Variants in CLDN10 observed in about 807,000 individuals in gnomAD.
CLDN10 encodes the protein claudin-10.
In CLDN10, 15 loss-of-function variants were observed where a neutral mutation model predicts 22.9. The observed-to-expected ratio is 0.65, with a 90% CI of 0.44 to 1.01. The LOEUF is 1.01. Among genes scored for constraint, CLDN10 ranks in the 50% least tolerant of loss-of-function variants. CLDN10 has a pLI of 0.00. For synonymous variants in CLDN10, 114 were observed against 111.4 expected (o/e 1.02, Z -0.15); for missense variants, 247 against 287.8 (o/e 0.86, Z 1.03).
intron 1 of CLDN10, among the ~76,000 whole-genome samples, chr13:95,475,778 G>T (rs1475804823): frequency 1.4e-5 from 2 of 141,960 alleles, no homozygotes; most frequent in East Asian, 2.0e-4. Context: ...TGGGTCGAGG[G>T]TCCCTGCATC....
At chr13:95,493,122 T>C (rs1426438618) in intron 1 of CLDN10, among the ~76,000 whole-genome samples, 1 of 152,006 alleles carries the variant, frequency 6.6e-6, no homozygotes, top group African/African-American at 2.4e-5. Context: ...TGGAGGGTTA[T>C]TCTCCAGCTG....
chr13:95,497,926 T>G (rs2138531304), intron 1 of CLDN10, among the ~76,000 whole-genome samples: 1 of 152,262 alleles, frequency 6.6e-6, no homozygotes. Context: ...TTTAGGACAT[T>G]GAGAAGGTAA....
At chr13:95,462,612 G>A (rs1054415809) in intron 1 of CLDN10, among the ~76,000 whole-genome samples, 2 of 152,158 alleles carry the variant, frequency 1.3e-5, no homozygotes, top group African/African-American at 2.4e-5. Context: ...AAGGAGTCAG[G>A]GCCTGGGGAC....
At chr13:95,570,765 A>G (rs2043842880) in intron 3 of CLDN10, among the ~76,000 whole-genome samples, 1 of 151,234 alleles carries the variant, frequency 6.6e-6, no homozygotes, top group African/African-American at 2.4e-5. Context: ...TGGCCCAAAG[A>G]TATGAAATTT....
intron 1 of CLDN10, among the ~76,000 whole-genome samples, chr13:95,513,075 C>T (rs547363579): frequency 5.3e-5 from 8 of 152,192 alleles, no homozygotes; most frequent in Non-Finnish European, 2.9e-5. Flanking sequence ...CAGAGTCTTA[C>T]TATATTGCTG....
At chr13:95,526,320 C>A (rs900240662) in intron 1 of CLDN10, among the ~76,000 whole-genome samples, 8 of 152,096 alleles carry the variant, frequency 5.3e-5, no homozygotes, top group African/African-American at 1.9e-4. Flanking sequence ...CAACTGTCTG[C>A]CAGTCAGTTC....
chr13:95,484,143 A>C (rs892776962), intron 1 of CLDN10, among the ~76,000 whole-genome samples: 4 of 152,206 alleles, frequency 2.6e-5, no homozygotes, highest in Admixed American at 1.3e-4. Context: ...CTCTGGTAGG[A>C]TAGCAGCCCA....
chr13:95,438,976 A>G (rs1480750850), intron 1 of CLDN10, among the ~76,000 whole-genome samples: 1 of 40,708 alleles, frequency 2.5e-5, no homozygotes, highest in East Asian at 5.1e-4. Context: ...ACTCCATCGC[A>G]AAAAAAAAAA....
At chr13:95,507,901 G>A (rs1293695067) in intron 1 of CLDN10, among the ~76,000 whole-genome samples, 1 of 152,074 alleles carries the variant, frequency 6.6e-6, no homozygotes, top group Non-Finnish European at 1.5e-5. Flanking sequence ...GGGATTACAG[G>A]TGTGAGCCAC....
intron 3 of CLDN10, among the ~76,000 whole-genome samples, chr13:95,568,981 C>T (rs1452042816): frequency 6.6e-6 from 1 of 152,072 alleles, no homozygotes; most frequent in Non-Finnish European, 1.5e-5. Context: ...TGCCCAGTGC[C>T]CTTCATCCGT....
At chr13:95,448,742 T>G (rs2042404951) in intron 1 of CLDN10, among the ~76,000 whole-genome samples, 1 of 151,580 alleles carries the variant, frequency 6.6e-6, no homozygotes, top group Admixed American at 6.6e-5. Flanking sequence ...TTTTATTTTA[T>G]TTTATTTTAT....
At chr13:95,459,523 G>A (rs2042514323) in intron 1 of CLDN10, among the ~76,000 whole-genome samples, 1 of 152,238 alleles carries the variant, frequency 6.6e-6, no homozygotes. Flanking sequence ...CAAGGCTTGG[G>A]ACTTGCACCC....
chr13:95,538,149 A>ATTTT (rs2043420171), intron 1 of CLDN10, among the ~76,000 whole-genome samples: 1 of 60,648 alleles, frequency 1.6e-5, no homozygotes, highest in Non-Finnish European at 3.2e-5. Context: ...CAAACTGTTT[A>ATTTT]TTTCTTTTTT....
intron 3 of CLDN10, among the ~76,000 whole-genome samples, chr13:95,570,229 T>C (rs1400878866): frequency 6.6e-6 from 1 of 152,174 alleles, no homozygotes; most frequent in African/African-American, 2.4e-5. Context: ...GACTTCAAAG[T>C]CTGCATGTAA....
At chr13:95,458,987 C>T (rs1027006924) in intron 1 of CLDN10, among the ~76,000 whole-genome samples, 4 of 152,052 alleles carry the variant, frequency 2.6e-5, no homozygotes, top group Non-Finnish European at 5.9e-5. Context: ...AGAAATTGGC[C>T]AAAACAAAGG....
intron 1 of CLDN10, among the ~76,000 whole-genome samples, chr13:95,436,729 A>G (rs2042276220): frequency 6.6e-6 from 1 of 152,226 alleles, no homozygotes; most frequent in Non-Finnish European, 1.5e-5. Context: ...TCATATTTCC[A>G]AAGAAAACGG....
chr13:95,434,595 C>G (rs2042248093), intron 1 of CLDN10, among the ~76,000 whole-genome samples: 1 of 142,936 alleles, frequency 7.0e-6, no homozygotes, highest in Non-Finnish European at 1.5e-5. Context: ...ATATAACCCA[C>G]ACAGGTATCT....
At chr13:95,501,205 G>A (rs2042980984) in intron 1 of CLDN10, among the ~76,000 whole-genome samples, 1 of 151,972 alleles carries the variant, frequency 6.6e-6, no homozygotes, top group Non-Finnish European at 1.5e-5. Context: ...GTAGAGACAG[G>A]GATTCACCAT....
intron 1 of CLDN10, among the ~76,000 whole-genome samples, chr13:95,536,797 T>C (rs1156503318): frequency 4.9e-5 from 1 of 20,330 alleles, no homozygotes; most frequent in African/African-American, 9.9e-5. Context: ...ACTGCATGCC[T>C]TTTTAAAAAA....
Sources: gnomAD v4.1 joint callset for allele counts (sites outside exome capture counted in the v4.1 genomes callset) on GRCh38, gnomAD v4.1.1 for gene constraint, MANE v1.5 for transcripts, NCBI Gene and HGNC (gene_info 2026-07-23, HGNC 2026-07-21) for gene names.